CEP57L1: variants seen among roughly 807,000 people sequenced by gnomAD.
The protein encoded by CEP57L1 is centrosomal protein CEP57L1.
A neutral mutation model predicts 61.0 loss-of-function variants in CEP57L1; 37 were observed. The ratio of observed to expected loss-of-function variants is 0.61; its 90% CI spans 0.47 to 0.80. The LOEUF (loss-of-function observed/expected upper bound fraction) is 0.80. CEP57L1 is among the 30% of genes least tolerant of loss of function. The probability of loss-of-function intolerance (pLI) is 0.00; values close to 1 mark genes in which losing one functional copy is unlikely to be tolerated. For missense variants in CEP57L1, 422 were observed against 524.7 expected (o/e 0.80, Z 1.91); for synonymous variants, 137 against 162.3 (o/e 0.84, Z 1.19).
At chr6:109,107,136 C>T (rs1583376400) in intron 1 of CEP57L1, among the ~76,000 whole-genome samples, 1 of 152,252 alleles carries the variant, frequency 6.6e-6, no homozygotes, top group East Asian at 1.9e-4. Flanking sequence ...CAGTATCTTC[C>T]TAAGTAAGCA....
At chr6:109,133,638 A>G (rs909628987) in intron 1 of CEP57L1, among the ~76,000 whole-genome samples, 5 of 152,186 alleles carry the variant, frequency 3.3e-5, no homozygotes, top group African/African-American at 1.2e-4. Context: ...TGGTGTTTTG[A>G]AAAGATCAAC....
At position 109,116,127 on chromosome 6, in the gene CEP57L1, GTGTTATGTTATGTTATGTTA is replaced by G. The variant is rs34528428; in HGVS notation, c.-4+20593_-4+20612del. Among the ~76,000 whole-genome samples the G allele has an allele frequency of 1.1e-3, 144 of 135,472 alleles. No individual in the cohort carries two copies. In the East Asian group the frequency reaches 0.015, roughly 14 times the overall value. 88.9% of individuals were successfully genotyped at this position (135,472 alleles called of 152,430 possible). On this transcript the variant is annotated intron_variant, in intron 1 of 10. Transcript: ENST00000517392. Reference sequence around the variant, plus strand: ...TTTATTTTATTTTATGTTATGTGTTGTGTTATGTTATGTTATGTTATGTTATGTTATGTTATGTTATGTTA... The same window carrying G: ...TTTATTTTATTTTATGTTATGTGTTGTGTTATGTTATGTTATGTTATGTTA...
rs74934949 is a variant in CEP57L1 at position 109,173,630 on chromosome 6, G to A, written c.*10660G>A. ...AAAATTTTTTTTTTTGAGGAGACGC[G>A]GTCTCACTTTGCTGCCCAGGCTGGT... On this transcript the variant is annotated 3_prime_UTR_variant, in exon 11 of 11. Transcript: ENST00000517392. Among the ~76,000 whole-genome samples the A allele has an allele frequency of 6.0e-5, 9 of 149,546 alleles. No homozygotes were observed. The highest frequency in any genetic ancestry group is 1.0e-4 in the Non-Finnish European group (7 of 67,512).
chr6:109,142,256 A>G (rs1367366203), intron 1 of CEP57L1, among the ~76,000 whole-genome samples: 1 of 152,214 alleles, frequency 6.6e-6, no homozygotes, highest in African/African-American at 2.4e-5. Flanking sequence ...TGTGGTACAT[A>G]TATTCCATGG....
chr6:109,148,274 C>A (rs922121766), intron 3 of CEP57L1, among the ~76,000 whole-genome samples: 1 of 151,990 alleles, frequency 6.6e-6, no homozygotes, highest in African/African-American at 2.4e-5. Flanking sequence ...CCCTCTCCCC[C>A]CACCCCACAA....
intron 1 of CEP57L1, among the ~76,000 whole-genome samples, chr6:109,113,815 T>C (rs1414601059): frequency 6.6e-6 from 1 of 152,156 alleles, no homozygotes; most frequent in Admixed American, 6.6e-5. Flanking sequence ...ATGACTGCCA[T>C]GTTAAAAAGT....
intron 1 of CEP57L1, among the ~76,000 whole-genome samples, chr6:109,098,505 G>C (rs1043967921): frequency 2.0e-5 from 3 of 152,088 alleles, no homozygotes; most frequent in Admixed American, 2.0e-4. Context: ...TATAGTCATA[G>C]CTCACTGCAT....
chr6:109,102,663 A>G (rs1770451940), intron 1 of CEP57L1, among the ~76,000 whole-genome samples: 1 of 151,106 alleles, frequency 6.6e-6, no homozygotes, highest in Non-Finnish European at 1.5e-5. Flanking sequence ...TTTTTTTTGT[A>G]AAAGGTATAA....
intron 1 of CEP57L1, chr6:109,125,124 A>C (rs1037184193): frequency 2.0e-5 from 3 of 152,188 alleles, no homozygotes; most frequent in Non-Finnish European, 4.4e-5. Context: ...AGGGGTAAAC[A>C]ATACAAGTAT....
chr6:109,112,872 A>C (rs1771824928), intron 1 of CEP57L1, among the ~76,000 whole-genome samples: 2 of 152,108 alleles, frequency 1.3e-5, no homozygotes, highest in South Asian at 4.1e-4. Flanking sequence ...GTGGTCTGAG[A>C]GACTGTTTGT....
intron 7 of CEP57L1, chr6:109,156,860 A>C (rs182360289): frequency 6.6e-6 from 1 of 152,142 alleles, no homozygotes; most frequent in African/African-American, 2.4e-5. Flanking sequence ...ATAACGAACA[A>C]TATTTCCCCA....
At chr6:109,112,526 A>T (rs1183132549) in intron 1 of CEP57L1, among the ~76,000 whole-genome samples, 1 of 151,050 alleles carries the variant, frequency 6.6e-6, no homozygotes, top group Non-Finnish European at 1.5e-5. Context: ...TTCTGCTCTG[A>T]TCTTATTTAT....
At chr6:109,120,041 G>C (rs1370555462) in intron 1 of CEP57L1, among the ~76,000 whole-genome samples, 1 of 152,150 alleles carries the variant, frequency 6.6e-6, no homozygotes, top group African/African-American at 2.4e-5. Context: ...CATGTGTTGA[G>C]TGCTTACTGT....
intron 1 of CEP57L1, among the ~76,000 whole-genome samples, chr6:109,139,407 A>G (rs1016970794): frequency 3.3e-5 from 5 of 152,040 alleles, no homozygotes; most frequent in Admixed American, 6.5e-5. Context: ...GGGTCAAACA[A>G]TTGTGCCTCG....
At position 109,155,863 on chromosome 6, in the gene CEP57L1, A is replaced by G; in HGVS notation, c.730A>G (p.Lys244Glu). 7.0e-6 allele frequency: 11 copies of G among 1,573,254 alleles called. No individual in the cohort carries two copies. The highest frequency in any genetic ancestry group is 1.4e-5 in the African/African-American group (1 of 73,922). The change falls in exon 7 of 11, where the codon AAG becomes GAG. Residue 244 changes from lysine to glutamate, a missense_variant. Transcript: ENST00000517392. Reference protein sequence around the residue: ...VSNLKHSKEKKKSSKKTKCIK... With the variant: ...VSNLKHSKEKEKSSKKTKCIK... Reference sequence around the variant, plus strand: ...AAATCTAAAGCACTCCAAGGAAAAGAAGAAATCTTCAAAGGTGTGCATATA... The same window carrying G: ...AAATCTAAAGCACTCCAAGGAAAAGGAGAAATCTTCAAAGGTGTGCATATA...
intron 1 of CEP57L1, among the ~76,000 whole-genome samples, chr6:109,100,583 G>A (rs1396433361): frequency 5.4e-5 from 8 of 149,210 alleles, no homozygotes; most frequent in African/African-American, 1.7e-4. Flanking sequence ...GCTGAGGCAG[G>A]AGAATCGCTT....
At position 109,146,112 on chromosome 6, in the gene CEP57L1, G is replaced by A. The variant is rs1200895530; in HGVS notation, c.161-646G>A. Among the ~76,000 whole-genome samples, 5 of 151,814 alleles carry A rather than the reference G, an allele frequency of 3.3e-5. No individual in the cohort carries two copies. In the South Asian group the frequency reaches 1.0e-3, roughly 31 times the overall value. On this transcript the variant is annotated intron_variant, in intron 2 of 10. Transcript: ENST00000517392. ...AAAACAAAATGGTAATCTCTAGCAA[G>A]CATCTTTCTAATTTGATATAAACTA...
chr6:109,102,572 G>C (rs966324187), intron 1 of CEP57L1, among the ~76,000 whole-genome samples: 1 of 151,770 alleles, frequency 6.6e-6, no homozygotes, highest in Non-Finnish European at 1.5e-5. Flanking sequence ...CCATACCCAG[G>C]GTCATGTAGA....
intron 1 of CEP57L1, among the ~76,000 whole-genome samples, chr6:109,111,704 C>A (rs1467098806): frequency 6.6e-6 from 1 of 152,134 alleles, no homozygotes; most frequent in Non-Finnish European, 1.5e-5. Context: ...TCCATCAATA[C>A]CTACTTTATT....
Sources: gnomAD v4.1 joint callset for allele counts (sites outside exome capture counted in the v4.1 genomes callset) on GRCh38, gnomAD v4.1.1 for gene constraint, MANE v1.5 for transcripts, NCBI Gene and HGNC (gene_info 2026-07-23, HGNC 2026-07-21) for gene names.